Variants in CPNE8 observed in about 807,000 individuals in gnomAD.
CPNE8 encodes the protein copine 8.
CPNE8 carries 45 observed loss-of-function variants against 81.5 expected under a neutral mutation model. That is an observed-to-expected ratio of 0.55 (90% CI 0.44 to 0.71). The LOEUF (loss-of-function observed/expected upper bound fraction) is 0.71. Among genes scored for constraint, CPNE8 ranks in the 30% least tolerant of loss-of-function variants. The pLI is 0.00. For synonymous variants in CPNE8, 252 were observed against 226.3 expected, an observed-to-expected ratio of 1.11 and a Z score of -1.02; for missense variants, 594 against 672.1, an observed-to-expected ratio of 0.88 and a Z score of 1.28.
chr12:38,679,959 G>C (rs1939374267), intron 16 of CPNE8, among the ~76,000 whole-genome samples: 1 of 151,818 alleles, frequency 6.6e-6, no homozygotes, highest in South Asian at 2.1e-4. Context: ...AGGTATTAGA[G>C]AAGCTTGCTT....
At chr12:38,885,995 G>C (rs1944232589) in intron 1 of CPNE8, among the ~76,000 whole-genome samples, 1 of 152,156 alleles carries the variant, frequency 6.6e-6, no homozygotes, top group Non-Finnish European at 1.5e-5. Flanking sequence ...ACAGAACGGT[G>C]AGCCAATTAA....
chr12:38,905,700 G>A, upstream of CPNE8: 1 of 1,451,622 alleles, frequency 6.9e-7, no homozygotes, highest in Non-Finnish European at 9.1e-7. Flanking sequence ...GGACCTCCGC[G>A]CAGAGCCACG....
At chr12:38,711,744 C>T (rs1940263949) in intron 13 of CPNE8, among the ~76,000 whole-genome samples, 1 of 152,160 alleles carries the variant, frequency 6.6e-6, no homozygotes, top group Non-Finnish European at 1.5e-5. Flanking sequence ...GCTGGGATTA[C>T]AGGCATGACC....
intron 13 of CPNE8, among the ~76,000 whole-genome samples, chr12:38,715,044 CCAA>C (rs1203099066): frequency 5.3e-5 from 8 of 152,012 alleles, no homozygotes; most frequent in African/African-American, 1.9e-4. Context: ...GAGTAAAAAA[CCAA>C]CAACATTTTT....
rs190973921 is a variant in CPNE8, at chr12:38,877,076, T to C, written c.99-2565A>G. The stretch of plus-strand genomic sequence containing the variant: ...AGCCCAGTACAGAATAATCTAATGG[T>C]ACCAATCATTCTGAATCTGATTCTT... On this transcript the variant is annotated intron_variant, in intron 1 of 19. Transcript: ENST00000331366. Among the ~76,000 whole-genome samples the C allele has an allele frequency of 1.4e-3, 216 of 152,304 alleles. 1 individual carries two copies. Among genetic ancestry groups the C allele is most frequent in the African/African-American group, 4.9e-3 (204 of 41,584 alleles).
intron 7 of CPNE8, 88 bp downstream of exon 7, chr12:38,776,150 T>A: frequency 1.7e-6 from 1 of 581,464 alleles, no homozygotes; most frequent in Non-Finnish European, 2.9e-6. Flanking sequence ...TTGCTACAAT[T>A]ACTTAAAAAT....
At chr12:38,720,127 C>T (rs1052177722) in intron 13 of CPNE8, among the ~76,000 whole-genome samples, 1 of 152,192 alleles carries the variant, frequency 6.6e-6, no homozygotes, top group African/African-American at 2.4e-5. Context: ...TTGGGGCAAA[C>T]TGTACCCCAT....
At chr12:38,808,497 A>G (rs71463390) in intron 6 of CPNE8, among the ~76,000 whole-genome samples, 1 of 151,450 alleles carries the variant, frequency 6.6e-6, no homozygotes, top group South Asian at 2.1e-4. Flanking sequence ...GTCAACTATC[A>G]CAAGAACAAA....
intron 6 of CPNE8, among the ~76,000 whole-genome samples, chr12:38,813,359 C>T (rs1942968769): frequency 6.6e-6 from 1 of 151,912 alleles, no homozygotes; most frequent in African/African-American, 2.4e-5. Flanking sequence ...AAAAGATGGT[C>T]ATTAATTGGG....
chr12:38,657,476 C>T (rs965838818), intron 19 of CPNE8, among the ~76,000 whole-genome samples: 6 of 152,312 alleles, frequency 3.9e-5, no homozygotes, highest in African/African-American at 1.4e-4. Context: ...GCAGCAGAAA[C>T]TTCTGCAGAC....
intron 1 of CPNE8, among the ~76,000 whole-genome samples, chr12:38,886,394 G>T (rs1397012123): frequency 1.3e-5 from 2 of 152,178 alleles, no homozygotes; most frequent in Non-Finnish European, 2.9e-5. Flanking sequence ...GTAAATATTG[G>T]AAAAACTATC....
intron 6 of CPNE8, among the ~76,000 whole-genome samples, chr12:38,800,938 A>C (rs1418155580): frequency 1.4e-5 from 2 of 140,058 alleles, no homozygotes; most frequent in African/African-American, 2.8e-5. Context: ...GAAATGAAGC[A>C]AGAAGGGAAG....
chr12:38,825,672 G>A (rs924992069), intron 6 of CPNE8, among the ~76,000 whole-genome samples: 1 of 152,176 alleles, frequency 6.6e-6, no homozygotes, highest in African/African-American at 2.4e-5. Flanking sequence ...AACAGACCTT[G>A]TTCTTCAATC....
chr12:38,685,733 C>A, intron 15 of CPNE8, 116 bp from the exon 16 acceptor site: 1 of 1,017,432 alleles, frequency 9.8e-7, no homozygotes, highest in Non-Finnish European at 1.4e-6. Flanking sequence ...TTTTGAGGAA[C>A]TCTTATTCAT....
At chr12:38,888,362 C>T (rs777720445) in intron 1 of CPNE8, among the ~76,000 whole-genome samples, 11 of 152,158 alleles carry the variant, frequency 7.2e-5, no homozygotes, top group Non-Finnish European at 1.2e-4. Flanking sequence ...AATACATAGG[C>T]TATGACAATG....
intron 6 of CPNE8, among the ~76,000 whole-genome samples, chr12:38,785,438 G>T (rs1019793359): frequency 1.3e-5 from 2 of 151,966 alleles, no homozygotes; most frequent in Non-Finnish European, 2.9e-5. Context: ...ATTCCCACAT[G>T]TTGTGGAGGG....
intron 1 of CPNE8, among the ~76,000 whole-genome samples, chr12:38,893,187 A>G (rs1944338581): frequency 6.6e-6 from 1 of 152,218 alleles, no homozygotes; most frequent in Non-Finnish European, 1.5e-5. Context: ...TTTGAACCAG[A>G]GCAACTCCAT....
At chr12:38,812,833 C>A (rs1942961314) in intron 6 of CPNE8, among the ~76,000 whole-genome samples, 1 of 152,168 alleles carries the variant, frequency 6.6e-6, no homozygotes, top group South Asian at 2.1e-4. Context: ...AAAGATGCAG[C>A]AAGAAAGTCC....
intron 6 of CPNE8, among the ~76,000 whole-genome samples, chr12:38,789,140 C>G (rs143022736): frequency 6.8e-4 from 103 of 151,876 alleles, no homozygotes; most frequent in African/African-American, 2.3e-3. Flanking sequence ...CCCAGAATAG[C>G]CAAAACTATC....
Sources: allele counts gnomAD v4.1 joint callset (sites outside exome capture counted in the v4.1 genomes callset), GRCh38; gene constraint gnomAD v4.1.1; transcripts MANE v1.5; gene names NCBI Gene and HGNC (gene_info 2026-07-23, HGNC 2026-07-21).